The following LHFPL4 variants were observed in gnomAD, a reference collection of about 807,000 sequenced individuals.
LHFPL4 encodes the protein LHFPL tetraspan subfamily member 4.
In LHFPL4, 6 loss-of-function variants were observed where a neutral mutation model predicts 20.0. That is an observed-to-expected ratio of 0.30 (90% CI 0.16 to 0.59). LHFPL4 has a LOEUF of 0.59. Among genes scored for constraint, LHFPL4 ranks in the 20% least tolerant of loss-of-function variants. The probability of loss-of-function intolerance (pLI) is 0.88; values close to 1 mark genes in which losing one functional copy is unlikely to be tolerated. For missense variants in LHFPL4, 215 were observed against 331.2 expected (o/e 0.65, Z 2.72); for synonymous variants, 129 against 143.8 (o/e 0.90, Z 0.74).
At position 9,501,958 on chromosome 3, in the gene LHFPL4, C is replaced by G. The variant is rs62246343; in HGVS notation, c.*253G>C. Reference sequence around the variant, plus strand: ...AGGAGAGGAGAAGCCCAAGGGCCTACGCAGATGCAGGCTCCCTTAGGTCAA... The same window carrying G: ...AGGAGAGGAGAAGCCCAAGGGCCTAGGCAGATGCAGGCTCCCTTAGGTCAA... On this transcript the variant is annotated 3_prime_UTR_variant, in exon 4 of 4. Coordinates refer to ENST00000287585, the MANE Select transcript of LHFPL4 (RefSeq NM_198560.3). 5.6e-6 allele frequency: 3 copies of G among 535,296 alleles called. No individual in the cohort carries two copies. In the East Asian group the frequency reaches 9.5e-5, roughly 17 times the overall value. 33.2% of individuals were successfully genotyped at this position (535,296 alleles called of 1,614,324 possible).
intron 2 of LHFPL4, among the ~76,000 whole-genome samples, chr3:9,549,462 G>A (rs1245476612): frequency 6.6e-6 from 1 of 152,202 alleles, no homozygotes; most frequent in African/African-American, 2.4e-5. Flanking sequence ...TTGGGAGGCT[G>A]AGGCGGGTGG....
chr3:9,546,107 A>C (rs1406979253), intron 2 of LHFPL4, among the ~76,000 whole-genome samples: 1 of 152,014 alleles, frequency 6.6e-6, no homozygotes, highest in East Asian at 1.9e-4. Flanking sequence ...TGAGGTCAGC[A>C]GTTCGAGACC....
chr3:9,528,878 G>A (rs563701442), intron 2 of LHFPL4, among the ~76,000 whole-genome samples: 1 of 150,790 alleles, frequency 6.6e-6, no homozygotes, highest in African/African-American at 2.4e-5. Context: ...ACCTCCCAAA[G>A]TGCTGGGATT....
chr3:9,507,788 G>T (rs1019707721), intron 2 of LHFPL4, among the ~76,000 whole-genome samples: 1 of 152,224 alleles, frequency 6.6e-6, no homozygotes, highest in Non-Finnish European at 1.5e-5. Flanking sequence ...CACTCCTCTG[G>T]TAAGAGTGAC....
chr3:9,553,068 A>T (rs1349680653), intron 1 of LHFPL4, among the ~76,000 whole-genome samples: 1 of 150,628 alleles, frequency 6.6e-6, no homozygotes, highest in Admixed American at 6.6e-5. Flanking sequence ...AGGAGGGGAC[A>T]AGGGGAGGTG....
rs373024482 is a variant in LHFPL4 at position 9,523,983 on chromosome 3, T to TCCC, written c.407-17783_407-17781dup. Among the ~76,000 whole-genome samples, 393 of 134,122 alleles carry TCCC rather than the reference T, an allele frequency of 2.9e-3. 1 individual carries two copies. The highest frequency in any genetic ancestry group is 4.6e-3 in the Non-Finnish European group (292 of 62,834). The allele number at this position is 134,122 out of a possible 152,430, so 88.0% of individuals were successfully genotyped here. A position where few individuals can be genotyped will look rare whatever the true frequency, so the allele number is the denominator to read the frequency against. On this transcript the variant is annotated intron_variant, in intron 2 of 3. Transcript: ENST00000287585. ...GAGTACACAATTCTAGGCTAGTATT[T>TCCC]CCCCCCCCCCCAACACTTTAAATAT...
intron 2 of LHFPL4, among the ~76,000 whole-genome samples, chr3:9,549,214 A>T (rs958908067): frequency 2.6e-5 from 4 of 152,118 alleles, no homozygotes; most frequent in African/African-American, 9.6e-5. Context: ...GAGAGCAGGA[A>T]TTGCATTTTA....
intron 2 of LHFPL4, among the ~76,000 whole-genome samples, chr3:9,543,529 G>A (rs975321718): frequency 2.0e-5 from 3 of 151,566 alleles, no homozygotes; most frequent in African/African-American, 7.3e-5. Flanking sequence ...AAAAAAGTGG[G>A]TCCTCTAGCC....
chr3:9,541,135 G>A (rs913724720), intron 2 of LHFPL4, among the ~76,000 whole-genome samples: 4 of 151,730 alleles, frequency 2.6e-5, no homozygotes, highest in East Asian at 2.0e-4. Flanking sequence ...GTAGAGACGG[G>A]GTTTCACCAT....
At chr3:9,537,627 C>A (rs552782534) in intron 2 of LHFPL4, among the ~76,000 whole-genome samples, 2 of 152,250 alleles carry the variant, frequency 1.3e-5, no homozygotes, top group African/African-American at 4.8e-5. Flanking sequence ...CCATCCCTTC[C>A]AAGTCCACCT....
At chr3:9,512,261 CT>C (rs940067973) in intron 2 of LHFPL4, among the ~76,000 whole-genome samples, 1 of 152,140 alleles carries the variant, frequency 6.6e-6, no homozygotes, top group African/African-American at 2.4e-5. Context: ...CAGTTTCCCC[CT>C]CTGGGCCTCA....
chr3:9,516,382 C>A (rs988744473), intron 2 of LHFPL4, among the ~76,000 whole-genome samples: 5 of 152,220 alleles, frequency 3.3e-5, no homozygotes, highest in Non-Finnish European at 5.9e-5. Flanking sequence ...TGTCAAAGAT[C>A]AACTGACTGT....
intron 2 of LHFPL4, among the ~76,000 whole-genome samples, chr3:9,526,916 A>G (rs944087622): frequency 2.0e-5 from 3 of 152,182 alleles, no homozygotes; most frequent in African/African-American, 4.8e-5. Context: ...AGCCTCCAGA[A>G]CAAGAATAAA....
chr3:9,502,413 G>T, intron 3 of LHFPL4, 102 bp from the exon 4 acceptor site: 1 of 871,064 alleles, frequency 1.1e-6, no homozygotes, highest in Non-Finnish European at 1.9e-6. Context: ...GCACAAGTGG[G>T]CAGAGGGGCC....
intron 2 of LHFPL4, among the ~76,000 whole-genome samples, chr3:9,511,446 T>C (rs1421094545): frequency 2.6e-5 from 4 of 152,068 alleles, no homozygotes; most frequent in Non-Finnish European, 5.9e-5. Context: ...TCTTATCCAA[T>C]GTCACATAGC....
intron 2 of LHFPL4, among the ~76,000 whole-genome samples, chr3:9,548,237 T>C (rs1262770013): frequency 6.6e-6 from 1 of 152,210 alleles, no homozygotes. Context: ...ATATGAATAA[T>C]GGTACCTACT....
At chr3:9,523,558 C>T (rs73017339) in intron 2 of LHFPL4, among the ~76,000 whole-genome samples, 20,202 of 151,328 alleles carry the variant, frequency 0.13, 1,762 homozygotes, top group Non-Finnish European at 0.19. Flanking sequence ...CTGCAACCTC[C>T]GCCTCCCTGG....
intron 3 of LHFPL4, among the ~76,000 whole-genome samples, chr3:9,504,820 A>G (rs1419147137): frequency 8.2e-5 from 5 of 60,940 alleles, no homozygotes; most frequent in Admixed American, 2.0e-4. Context: ...GTGAGACTCC[A>G]TCTCAAAAAA....
chr3:9,523,956 G>T (rs1226504284), intron 2 of LHFPL4, among the ~76,000 whole-genome samples: 2 of 151,016 alleles, frequency 1.3e-5, no homozygotes, highest in African/African-American at 4.9e-5. Context: ...GATAATTTCA[G>T]AGAGTACACA....
Sources: gnomAD v4.1 joint callset for allele counts (sites outside exome capture counted in the v4.1 genomes callset) on GRCh38, gnomAD v4.1.1 for gene constraint, MANE v1.5 for transcripts, NCBI Gene and HGNC (gene_info 2026-07-23, HGNC 2026-07-21) for gene names.